Variants in KIF13B observed in about 807,000 individuals in gnomAD.
KIF13B encodes the protein kinesin-like protein KIF13B.
KIF13B carries 127 observed loss-of-function variants against 222.0 expected under a neutral mutation model. That is an observed-to-expected ratio of 0.57 (90% CI 0.50 to 0.66). The LOEUF (loss-of-function observed/expected upper bound fraction) is 0.66. KIF13B is among the 30% of genes least tolerant of loss of function. The pLI is 0.00. For missense variants in KIF13B, 2,173 were observed against 2,379.0 expected, an observed-to-expected ratio of 0.91 and a Z score of 1.80; for synonymous variants, 976 against 919.0, an observed-to-expected ratio of 1.06 and a Z score of -1.12.
At chr8:29,098,170 C>CAAAAAAAAAA (rs147089450) in intron 36 of KIF13B, among the ~76,000 whole-genome samples, 27 of 30,304 alleles carry the variant, frequency 8.9e-4, no homozygotes, top group African/African-American at 1.1e-3. Flanking sequence ...GACTCCATCT[C>CAAAAAAAAAA]AAAAAAAAAA....
intron 1 of KIF13B, among the ~76,000 whole-genome samples, chr8:29,249,718 A>T (rs1265033877): frequency 1.3e-5 from 2 of 152,220 alleles, no homozygotes; most frequent in Non-Finnish European, 2.9e-5. Flanking sequence ...TACGTATTCA[A>T]AAAGTACTAA....
In KIF13B at chr8:29,148,806, T is replaced by C. The variant is rs751551348; in HGVS notation, c.1623-39A>G. ...AGAGTATTATTTTCTGAAGTTAAGA[T>C]AGGCACTTATTCATGTCATTCATTA... On this transcript the variant is annotated intron_variant, in intron 15 of 39. Transcript: ENST00000524189. The C allele has an allele frequency of 1.5e-5, 22 of 1,506,324 alleles. No homozygotes were observed. The East Asian group carries it at 3.7e-4, about 25-fold the overall frequency. 93.3% of individuals were successfully genotyped at this position (1,506,324 alleles called of 1,614,324 possible). A position where few individuals can be genotyped will look rare whatever the true frequency, so the allele number is the denominator to read the frequency against.
chr8:29,221,097 C>CTTTTTT (rs60915605), intron 2 of KIF13B, among the ~76,000 whole-genome samples: 2 of 112,756 alleles, frequency 1.8e-5, no homozygotes, highest in African/African-American at 7.7e-5. Context: ...GAGCTGTGTT[C>CTTTTTT]TTTTTTTTTT....
chr8:29,123,710 T>A (rs779104587), intron 27 of KIF13B, among the ~76,000 whole-genome samples: 2 of 152,238 alleles, frequency 1.3e-5, no homozygotes, highest in Admixed American at 1.3e-4. Context: ...CAGGAGTGAC[T>A]GGTCCAGAGT....
Position 29,140,083 on chromosome 8 carries a change from C to T in KIF13B, c.2593G>A (p.Glu865Lys). Residue 865 changes from glutamate to lysine, a missense_variant, in exon 21 of 40, where the codon GAG becomes AAG. Physicochemically the swap from Glu to Lys is moderately conservative, Grantham distance 56 (BLOSUM62 1). Coordinates refer to ENST00000524189, the MANE Select transcript of KIF13B (RefSeq NM_015254.4). ...CTTACCATGCACACCAGTTTGTTCT[C>T]CTGGGTCTCCTTCTCAAAGGAGACC... The part of the protein sequence containing the change: ...AEVSFEKETQ[E>K]NKLVCMVKIL... 1.9e-6 allele frequency: 3 copies of T among 1,597,668 alleles called. No individual in the cohort carries two copies. Among genetic ancestry groups the T allele is most frequent in the Non-Finnish European group, 1.7e-6 (2 of 1,172,280 alleles).
intron 36 of KIF13B, among the ~76,000 whole-genome samples, chr8:29,095,480 T>C (rs1808479751): frequency 6.6e-6 from 1 of 152,210 alleles, no homozygotes; most frequent in African/African-American, 2.4e-5. Flanking sequence ...TCTTAAGAAA[T>C]ACTAGGCTGG....
At chr8:29,088,986 C>T (rs1808169120) in intron 37 of KIF13B, among the ~76,000 whole-genome samples, 1 of 152,210 alleles carries the variant, frequency 6.6e-6, no homozygotes, top group East Asian at 1.9e-4. Flanking sequence ...AGATTTCTCT[C>T]TCCTTTGGAA....
chr8:29,235,700 G>T (rs547909453), intron 2 of KIF13B, among the ~76,000 whole-genome samples: 45 of 152,300 alleles, frequency 3.0e-4, no homozygotes, highest in African/African-American at 1.0e-3. Context: ...ACATATAAAA[G>T]ATGCCACCTA....
At chr8:29,176,204 A>G (rs904913641) in intron 9 of KIF13B, 25 bp from the exon 10 acceptor site, 3 of 1,338,414 alleles carry the variant, frequency 2.2e-6, no homozygotes, top group Admixed American at 3.8e-5. Flanking sequence ...AAACCAAAAT[A>G]ATTACAAAAA....
At chr8:29,224,767 C>T (rs1814944081) in intron 2 of KIF13B, among the ~76,000 whole-genome samples, 3 of 152,034 alleles carry the variant, frequency 2.0e-5, no homozygotes, top group South Asian at 2.1e-4. Flanking sequence ...AGTGTGTACG[C>T]GTAATTAGGA....
At chr8:29,258,207 A>G (rs1816557545) in intron 1 of KIF13B, among the ~76,000 whole-genome samples, 1 of 152,144 alleles carries the variant, frequency 6.6e-6, no homozygotes, top group Non-Finnish European at 1.5e-5. Flanking sequence ...TTCACTGACT[A>G]CCAGCATCTT....
intron 6 of KIF13B, among the ~76,000 whole-genome samples, chr8:29,182,593 T>G (rs1272324579): frequency 2.0e-5 from 3 of 151,486 alleles, no homozygotes; most frequent in Admixed American, 1.3e-4. Flanking sequence ...TCATTAAGTT[T>G]TTTTTTTTTT....
intron 2 of KIF13B, among the ~76,000 whole-genome samples, chr8:29,211,286 T>C (rs1373785520): frequency 6.6e-6 from 1 of 152,098 alleles, no homozygotes; most frequent in Non-Finnish European, 1.5e-5. Context: ...TGGTTCTAGC[T>C]CTCCTGCCAT....
At chr8:29,122,442 G>A (rs185950430) in intron 29 of KIF13B, 149 bp downstream of exon 29, 18 of 660,456 alleles carry the variant, frequency 2.7e-5, no homozygotes, top group Admixed American at 4.9e-5. Context: ...CAATCAGTCC[G>A]TCTGCAACCA....
chr8:29,166,750 C>T (rs1479930611), intron 11 of KIF13B, among the ~76,000 whole-genome samples: 1 of 151,032 alleles, frequency 6.6e-6, no homozygotes, highest in Non-Finnish European at 1.5e-5. Flanking sequence ...ATATTTCATT[C>T]CACTTTCCCA....
chr8:29,125,634 C>T (rs557322542), intron 26 of KIF13B, among the ~76,000 whole-genome samples: 111 of 151,890 alleles, frequency 7.3e-4, no homozygotes, highest in African/African-American at 2.6e-3. Context: ...AGTGACTACA[C>T]GGATGACATA....
intron 32 of KIF13B, among the ~76,000 whole-genome samples, 173 bp downstream of exon 32, chr8:29,113,290 A>G (rs1338946841): frequency 6.6e-6 from 1 of 152,250 alleles, no homozygotes; most frequent in African/African-American, 2.4e-5. Flanking sequence ...AGAACTTTTA[A>G]AGCCACAAGT....
intron 2 of KIF13B, among the ~76,000 whole-genome samples, chr8:29,229,459 G>C (rs1815188928): frequency 6.6e-6 from 1 of 152,178 alleles, no homozygotes; most frequent in African/African-American, 2.4e-5. Flanking sequence ...TTTGTTGTAA[G>C]ATGTCATGAG....
intron 30 of KIF13B, among the ~76,000 whole-genome samples, chr8:29,118,216 C>T (rs1302589613): frequency 4.0e-5 from 6 of 151,190 alleles, no homozygotes; most frequent in South Asian, 2.1e-4. Flanking sequence ...CCCAGCCAGG[C>T]ACAGTGGCTC....
Sources: gnomAD v4.1 joint callset for allele counts (sites outside exome capture counted in the v4.1 genomes callset) on GRCh38, gnomAD v4.1.1 for gene constraint, MANE v1.5 for transcripts, NCBI Gene and HGNC (gene_info 2026-07-23, HGNC 2026-07-21) for gene names.